USP34: variants seen among roughly 807,000 people sequenced by gnomAD.
USP34 encodes the protein ubiquitin carboxyl-terminal hydrolase 34.
In USP34, 70 loss-of-function variants were observed where a neutral mutation model predicts 460.3. The ratio of observed to expected loss-of-function variants is 0.15; its 90% confidence interval spans 0.13 to 0.19. The LOEUF is 0.19. Ranked by LOEUF, USP34 falls within the 10% of genes least tolerant of loss-of-function variation. USP34 has a pLI of 1.00. For synonymous variants in USP34, 1,647 were observed against 1,405.3 expected (o/e 1.17, Z -3.85); for missense variants, 3,985 against 4,236.2 (o/e 0.94, Z 1.65).
chr2:61,395,384 A>C, intron 3 of USP34, 151 bp from the exon 4 acceptor site: 1 of 606,414 alleles, frequency 1.6e-6, no homozygotes, highest in Non-Finnish European at 2.9e-6. Context: ...AACTGAAGCT[A>C]ATAGGATTCA....
chr2:61,464,495 C>T (rs1361985702), intron 1 of USP34, among the ~76,000 whole-genome samples: 1 of 152,184 alleles, frequency 6.6e-6, no homozygotes, highest in Non-Finnish European at 1.5e-5. Context: ...ACAACACTTG[C>T]TCTTGCCTAT....
At chr2:61,213,708 T>A (rs767227733) in intron 68 of USP34, among the ~76,000 whole-genome samples, 4 of 152,214 alleles carry the variant, frequency 2.6e-5, no homozygotes, top group Non-Finnish European at 4.4e-5. Flanking sequence ...TTTTGCTAAG[T>A]ATCTGATTTT....
chr2:61,324,013 A>G (rs1238797228), intron 21 of USP34, among the ~76,000 whole-genome samples: 3 of 152,248 alleles, frequency 2.0e-5, no homozygotes, highest in Non-Finnish European at 4.4e-5. Context: ...TATCTCAAGC[A>G]TAGGTATGGA....
chr2:61,206,654 T>C (rs1243790514), intron 71 of USP34, 106 bp downstream of exon 71: 2 of 1,378,518 alleles, frequency 1.5e-6, no homozygotes, highest in African/African-American at 2.9e-5. Flanking sequence ...TCATCTTCTG[T>C]GCATAAACTA....
chr2:61,302,548 A>G (rs1292591942), intron 27 of USP34, among the ~76,000 whole-genome samples: 2 of 152,186 alleles, frequency 1.3e-5, no homozygotes, highest in Non-Finnish European at 2.9e-5. Flanking sequence ...CAAACGTTCA[A>G]TCCTATTTTC....
chr2:61,385,604 G>T (rs568945259), intron 5 of USP34, among the ~76,000 whole-genome samples: 230 of 145,712 alleles, frequency 1.6e-3, no homozygotes, highest in African/African-American at 5.7e-3. Context: ...CCTGGGAGGC[G>T]GAGCTTGCAG....
At chr2:61,316,706 G>A (rs2103687439) in intron 23 of USP34, among the ~76,000 whole-genome samples, 1 of 152,074 alleles carries the variant, frequency 6.6e-6, no homozygotes, top group South Asian at 2.1e-4. Context: ...CCAACATGGT[G>A]AAACCCCACC....
intron 57 of USP34, among the ~76,000 whole-genome samples, chr2:61,234,307 G>A (rs971232714): frequency 1.3e-5 from 2 of 152,270 alleles, no homozygotes; most frequent in East Asian, 1.9e-4. Context: ...CTGTTAATTC[G>A]TAAGACTTGC....
At chr2:61,409,670 C>T (rs565756219) in intron 2 of USP34, among the ~76,000 whole-genome samples, 43 of 152,138 alleles carry the variant, frequency 2.8e-4, no homozygotes, top group African/African-American at 9.6e-4. Flanking sequence ...GCCAAGACTG[C>T]GCCACTGCAC....
chr2:61,434,961 G>GT (rs1694772353), intron 1 of USP34, among the ~76,000 whole-genome samples: 1 of 152,020 alleles, frequency 6.6e-6, no homozygotes, highest in Non-Finnish European at 1.5e-5. Context: ...GGGAATACAG[G>GT]TAAGAACTTT....
chr2:61,454,422 C>A lies in USP34; in HGVS notation c.43+16228G>T, dbSNP rs573559417. Among the ~76,000 whole-genome samples the A allele has an allele frequency of 4.6e-5, 7 of 151,284 alleles. No homozygotes were observed. In the South Asian group the frequency reaches 1.5e-3, roughly 32 times the overall value. On this transcript the variant is annotated intron_variant, in intron 1 of 79. Transcript: ENST00000398571. ...TACAGGCATGAGCCACTGCGCCCAG[C>A]CAGTTTTTTGTTTGTTGTTTTGTTT...
At chr2:61,364,887 A>G (rs1692383911) in intron 10 of USP34, among the ~76,000 whole-genome samples, 1 of 152,042 alleles carries the variant, frequency 6.6e-6, no homozygotes. Flanking sequence ...CCAAGATCGT[A>G]CCACTGTACT....
Position 61,399,993 on chromosome 2 carries a change from C to T in USP34, c.553-4760G>A, listed in dbSNP as rs377632450. ...TTTTTAAAGTCTTGCATTTTTTTTC[C>T]TCAAAAACCTCCCATTTACTACATG... is the stretch of plus-strand genomic sequence containing the variant. On this transcript the variant is annotated intron_variant, in intron 3 of 79. Transcript: ENST00000398571. Among the ~76,000 whole-genome samples the T allele has an allele frequency of 1.6e-4, 24 of 150,372 alleles. No homozygotes were observed. The East Asian group carries it at 3.7e-3, about 23-fold the overall frequency.
chr2:61,405,500 T>C lies in USP34; in HGVS notation c.552+208A>G, dbSNP rs576854883. On this transcript the variant is annotated intron_variant, in intron 3 of 79. Coordinates refer to ENST00000398571, the MANE Select transcript of USP34 (RefSeq NM_014709.4). Reference sequence around the variant, plus strand: ...ACCAGATTAATTTCTGAGTTCAATGTATAGATCTTTCCTTGATAGGATGAA... The same window carrying C: ...ACCAGATTAATTTCTGAGTTCAATGCATAGATCTTTCCTTGATAGGATGAA... Among the ~76,000 whole-genome samples, 59 of 152,322 alleles carry C rather than the reference T, an allele frequency of 3.9e-4. 1 individual carries two copies. The highest frequency in any genetic ancestry group is 1.4e-3 in the African/African-American group (59 of 41,578).
rs780302716 is a variant in USP34, at chr2:61,236,138, T to C, written c.6918+23A>G. 4.4e-6 allele frequency: 7 copies of C among 1,596,488 alleles called. No individual in the cohort carries two copies. The Admixed American group carries it at 1.1e-4, about 25-fold the overall frequency. ...AAAGTAGTAAATTTTGACAGAATTA[T>C]TTAAAGTTCATATATTTATTACCTT... On this transcript the variant is annotated intron_variant, in intron 55 of 79. Coordinates refer to ENST00000398571, the MANE Select transcript of USP34 (RefSeq NM_014709.4).
At chr2:61,379,304 A>G (rs1692902183) in intron 7 of USP34, among the ~76,000 whole-genome samples, 1 of 152,188 alleles carries the variant, frequency 6.6e-6, no homozygotes, top group South Asian at 2.1e-4. Context: ...GGATCACCTG[A>G]GGTCAGGAAT....
chr2:61,241,987 C>G (rs140346541), intron 51 of USP34, among the ~76,000 whole-genome samples, 168 bp from the exon 52 acceptor site: 1 of 151,938 alleles, frequency 6.6e-6, no homozygotes, highest in African/African-American at 2.4e-5. Context: ...ACAATTTGGC[C>G]AATATATCCT....
chr2:61,457,621 G>C (rs1695477261), intron 1 of USP34, among the ~76,000 whole-genome samples: 1 of 152,132 alleles, frequency 6.6e-6, no homozygotes. Context: ...CCAGCACTTT[G>C]GGAGGCTGAG....
At chr2:61,190,028 A>G in intron 78 of USP34, 1 of 394,242 alleles carries the variant, frequency 2.5e-6, no homozygotes, top group Admixed American at 4.3e-5. Flanking sequence ...AAGACCACTA[A>G]GATGTTCCCT....
Sources: allele counts gnomAD v4.1 joint callset (sites outside exome capture counted in the v4.1 genomes callset), GRCh38; gene constraint gnomAD v4.1.1; transcripts MANE v1.5; gene names NCBI Gene and HGNC (gene_info 2026-07-23, HGNC 2026-07-21).